Variants in NRG1 observed in about 807,000 individuals in gnomAD.
NRG1 encodes the protein pro-neuregulin-1, membrane-bound isoform.
NRG1 carries 18 observed loss-of-function variants against 63.8 expected under a neutral mutation model. That is an observed-to-expected ratio of 0.28 (90% CI 0.19 to 0.42). The LOEUF is 0.42. NRG1 is among the 10% of genes least tolerant of loss of function. The pLI is 1.00. For synonymous variants in NRG1, 302 were observed against 301.3 expected, an observed-to-expected ratio of 1.00 and a Z score of -0.02; for missense variants, 762 against 814.7, an observed-to-expected ratio of 0.94 and a Z score of 0.79.
chr8:32,268,702 C>T (rs929094118), intron 1 of NRG1, among the ~76,000 whole-genome samples: 1 of 152,096 alleles, frequency 6.6e-6, no homozygotes, highest in Non-Finnish European at 1.5e-5. Context: ...CCTTAGAAGC[C>T]AACTCTCAAC....
intron 5 of NRG1, among the ~76,000 whole-genome samples, chr8:32,671,199 G>C (rs1315982646): frequency 2.0e-5 from 3 of 151,392 alleles, no homozygotes; most frequent in African/African-American, 7.3e-5. Context: ...TTGACTAATG[G>C]ATGTTGGAAG....
chr8:32,328,178 A>G (rs931870298), intron 1 of NRG1, among the ~76,000 whole-genome samples: 6 of 151,938 alleles, frequency 3.9e-5, no homozygotes, highest in Non-Finnish European at 8.8e-5. Context: ...CATTTATCTC[A>G]CAGATGCTGT....
chr8:32,154,953 C>T (rs775637151), intron 1 of NRG1, among the ~76,000 whole-genome samples: 33 of 152,238 alleles, frequency 2.2e-4, no homozygotes, highest in East Asian at 5.8e-4. Flanking sequence ...AAACTGAGAT[C>T]GCAGGGAATT....
intron 1 of NRG1, among the ~76,000 whole-genome samples, chr8:32,008,897 T>A (rs1056447254): frequency 6.6e-6 from 1 of 152,072 alleles, no homozygotes; most frequent in Non-Finnish European, 1.5e-5. Context: ...AGAGAAGCAC[T>A]GGGAAAATCT....
chr8:32,129,555 C>G (rs1411257259), intron 1 of NRG1, among the ~76,000 whole-genome samples: 3 of 152,006 alleles, frequency 2.0e-5, no homozygotes, highest in Admixed American at 1.3e-4. Context: ...TTGATTACAT[C>G]TGCAAAGACT....
intron 1 of NRG1, among the ~76,000 whole-genome samples, chr8:32,471,880 T>C (rs896133597): frequency 6.6e-6 from 1 of 152,200 alleles, no homozygotes; most frequent in African/African-American, 2.4e-5. Flanking sequence ...TCAAAATAAT[T>C]GGAACTAGCT....
At chr8:32,686,194 T>C (rs907455026) in intron 5 of NRG1, among the ~76,000 whole-genome samples, 14 of 152,200 alleles carry the variant, frequency 9.2e-5, no homozygotes, top group Non-Finnish European at 1.9e-4. Flanking sequence ...GACTCTTTGC[T>C]ACTTCTTTCC....
intron 1 of NRG1, among the ~76,000 whole-genome samples, chr8:32,033,834 TAAG>T (rs904698963): frequency 6.6e-6 from 1 of 152,220 alleles, no homozygotes; most frequent in African/African-American, 2.4e-5. Context: ...CCTATCAGCT[TAAG>T]AAGCTTTTGA....
chr8:32,220,321 AT>A (rs1450686824), intron 1 of NRG1, among the ~76,000 whole-genome samples: 1 of 152,196 alleles, frequency 6.6e-6, no homozygotes, highest in Non-Finnish European at 1.5e-5. Flanking sequence ...ACCCCAGGTT[AT>A]AAAGCATCTG....
chr8:32,158,448 G>GATAGATAGATATATATATATAT (rs1491221971), intron 1 of NRG1, among the ~76,000 whole-genome samples: 1 of 62,184 alleles, frequency 1.6e-5, no homozygotes, highest in South Asian at 7.1e-4. Context: ...TGGTTTACAT[G>GATAGATAGATATATATATATAT]ATATATATAT....
At chr8:32,076,539 T>C (rs1421262916) in intron 1 of NRG1, among the ~76,000 whole-genome samples, 1 of 152,110 alleles carries the variant, frequency 6.6e-6, no homozygotes, top group African/African-American at 2.4e-5. Flanking sequence ...TTCCACGGAC[T>C]GTGGAACAGC....
chr8:32,022,853 G>A (rs1816672521), intron 1 of NRG1, among the ~76,000 whole-genome samples: 1 of 152,066 alleles, frequency 6.6e-6, no homozygotes, highest in Non-Finnish European at 1.5e-5. Context: ...TTGAACCACA[G>A]AGTCTGTGCT....
At chr8:32,604,324 C>T (rs966105014) in intron 2 of NRG1, among the ~76,000 whole-genome samples, 3 of 152,098 alleles carry the variant, frequency 2.0e-5, no homozygotes, top group Non-Finnish European at 4.4e-5. Flanking sequence ...GTGGTTCAAT[C>T]GGATAGACTG....
Position 31,639,248 on chromosome 8 carries a change from A to G in NRG1, c.-147A>G, listed in dbSNP as rs1482628521. The G allele has an allele frequency of 5.2e-6, 5 of 962,500 alleles. No individual in the cohort carries two copies. In the East Asian group the frequency reaches 8.2e-5, roughly 16 times the overall value. The allele number at this position is 962,500 out of a possible 1,614,324, so 59.6% of individuals were successfully genotyped here. A position where few individuals can be genotyped will look rare whatever the true frequency, so the allele number is the denominator to read the frequency against. On this transcript the variant is annotated 5_prime_UTR_variant, in exon 1 of 11. Transcript: ENST00000519301. ...GAAGCGTCACCTCTCACTCCCCAGTAAGCCTCCGCAGCCCACTCGGACTGC... is the reference window on the plus strand; with the variant it reads ...GAAGCGTCACCTCTCACTCCCCAGTGAGCCTCCGCAGCCCACTCGGACTGC...
At chr8:31,720,064 A>G (rs957774462) in intron 1 of NRG1, among the ~76,000 whole-genome samples, 1 of 152,190 alleles carries the variant, frequency 6.6e-6, no homozygotes, top group Non-Finnish European at 1.5e-5. Context: ...AAAAAAATAC[A>G]TGTTTAATGA....
intron 1 of NRG1, among the ~76,000 whole-genome samples, chr8:31,944,994 C>A (rs1228337406): frequency 6.6e-6 from 1 of 152,172 alleles, no homozygotes; most frequent in South Asian, 2.1e-4. Context: ...ATCTTGAATT[C>A]TTTTGAAATA....
rs910398124 is a variant in NRG1, at chr8:32,600,360, T to C, written c.278+4355T>C. On this transcript the variant is annotated intron_variant, in intron 2 of 11. Transcript: ENST00000356819. Reference sequence around the variant, plus strand: ...CACACACACACACACACACAAACACTGTCTATATAATTCCTTAGGGGTCAG... The same window carrying C: ...CACACACACACACACACACAAACACCGTCTATATAATTCCTTAGGGGTCAG... Among the ~76,000 whole-genome samples, 3 of 150,994 alleles carry C rather than the reference T, an allele frequency of 2.0e-5. No individual in the cohort carries two copies. In the South Asian group the frequency reaches 6.3e-4, roughly 32 times the overall value.
At chr8:32,727,812 T>C in intron 5 of NRG1, 137 bp from the exon 6 acceptor site, 1 of 731,156 alleles carries the variant, frequency 1.4e-6, no homozygotes, top group South Asian at 2.2e-5. Context: ...TTCTCTGCTA[T>C]TGTTTGTAAG....
intron 2 of NRG1, among the ~76,000 whole-genome samples, chr8:32,600,397 T>C (rs1844136130): frequency 6.6e-6 from 1 of 151,922 alleles, no homozygotes; most frequent in Non-Finnish European, 1.5e-5. Flanking sequence ...GAACCAAAAC[T>C]GTATAAACAG....
Sources: allele counts gnomAD v4.1 joint callset (sites outside exome capture counted in the v4.1 genomes callset), GRCh38; gene constraint gnomAD v4.1.1; transcripts MANE v1.5; gene names NCBI Gene and HGNC (gene_info 2026-07-23, HGNC 2026-07-21).